The following RFTN2 variants were observed in gnomAD, a reference collection of about 807,000 sequenced individuals.
RFTN2 encodes the protein raftlin family member 2, also known as raftlin-2.
Under a neutral mutation model 52.7 loss-of-function variants are expected in RFTN2, and 34 were observed. The observed-to-expected ratio is 0.64, with a 90% confidence interval of 0.49 to 0.86. RFTN2 has a LOEUF of 0.86. Ranked by LOEUF, RFTN2 falls within the 40% of genes least tolerant of loss-of-function variation. The pLI is 0.00. For synonymous variants in RFTN2, 203 were observed against 217.7 expected (o/e 0.93, Z 0.59); for missense variants, 536 against 600.1 (o/e 0.89, Z 1.12).
chr2:197,582,632 T>C (rs181359499), intron 8 of RFTN2, among the ~76,000 whole-genome samples: 3 of 152,208 alleles, frequency 2.0e-5, no homozygotes, highest in African/African-American at 4.8e-5. Context: ...AAAGGGACAA[T>C]GCATCAATAT....
At chr2:197,589,683 T>C (rs566740539) in intron 8 of RFTN2, among the ~76,000 whole-genome samples, 27 of 152,312 alleles carry the variant, frequency 1.8e-4, no homozygotes, top group African/African-American at 6.3e-4. Flanking sequence ...TCCAGTCTTT[T>C]AATTATTTTT....
At chr2:197,608,749 A>G (rs1421597673) in intron 7 of RFTN2, among the ~76,000 whole-genome samples, 1 of 150,358 alleles carries the variant, frequency 6.7e-6, no homozygotes, top group African/African-American at 2.5e-5. Flanking sequence ...CATCATTTAC[A>G]TTAGGTATTT....
chr2:197,628,992 G>T (rs1322588216), intron 5 of RFTN2, among the ~76,000 whole-genome samples: 2 of 152,084 alleles, frequency 1.3e-5, no homozygotes, highest in Non-Finnish European at 2.9e-5. Flanking sequence ...AAGACCAAGT[G>T]GATGGGACCG....
At chr2:197,588,192 C>T (rs1465412257) in intron 8 of RFTN2, among the ~76,000 whole-genome samples, 16 of 152,148 alleles carry the variant, frequency 1.1e-4, no homozygotes, top group South Asian at 2.1e-4. Flanking sequence ...GTTAAAACCT[C>T]GGCATATTTT....
At chr2:197,645,983 G>A (rs1028148954) in intron 2 of RFTN2, among the ~76,000 whole-genome samples, 1 of 152,106 alleles carries the variant, frequency 6.6e-6, no homozygotes, top group African/African-American at 2.4e-5. Flanking sequence ...CTGAGTTGGT[G>A]CCATTGCACT....
At chr2:197,674,357 A>AG in intron 1 of RFTN2, among the ~76,000 whole-genome samples, 1 of 150,100 alleles carries the variant, frequency 6.7e-6, no homozygotes, top group African/African-American at 2.4e-5. Context: ...AAAAAAAAAA[A>AG]AAAAAAGAAA....
At chr2:197,613,288 G>T (rs891802985) in intron 7 of RFTN2, among the ~76,000 whole-genome samples, 6 of 152,152 alleles carry the variant, frequency 3.9e-5, no homozygotes, top group Non-Finnish European at 7.4e-5. Flanking sequence ...GCCCTGTATA[G>T]GTACTTTGCG....
Position 197,633,790 on chromosome 2 carries a change from G to T in RFTN2, c.646C>A (p.His216Asn). ...ATTTGATACTGTCCACTTTCATGAT[G>T]AAGTTCTTCCTCAATTCCGCTTTCA... ...SSESGIEEEL[H>N]HESGQYQMEQ... The change falls in exon 4 of 9, where the codon CAT becomes AAT. Residue 216 changes from histidine (H) to asparagine (N), a missense_variant. Transcript: ENST00000295049. The T allele has an allele frequency of 6.2e-7, 1 of 1,613,760 alleles. No homozygotes were observed. Among genetic ancestry groups the T allele is most frequent in the South Asian group, 1.1e-5 (1 of 91,074 alleles).
intron 5 of RFTN2, among the ~76,000 whole-genome samples, chr2:197,629,086 C>A (rs2088417056): frequency 6.6e-6 from 1 of 152,178 alleles, no homozygotes; most frequent in Non-Finnish European, 1.5e-5. Flanking sequence ...CCAGCCATCC[C>A]ATTACTGCGT....
intron 8 of RFTN2, among the ~76,000 whole-genome samples, chr2:197,590,216 T>C (rs556005076): frequency 7.9e-5 from 12 of 152,278 alleles, no homozygotes; most frequent in Admixed American, 6.5e-4. Flanking sequence ...CTAAAAACTC[T>C]TTGCCTAACT....
intron 7 of RFTN2, among the ~76,000 whole-genome samples, chr2:197,604,213 C>G (rs1224470884): frequency 6.6e-6 from 1 of 152,148 alleles, no homozygotes; most frequent in Non-Finnish European, 1.5e-5. Flanking sequence ...TGAAAAGAAT[C>G]TGGTATTTAT....
chr2:197,625,222 T>A (rs995637329), intron 5 of RFTN2, among the ~76,000 whole-genome samples: 6 of 152,050 alleles, frequency 3.9e-5, no homozygotes, highest in African/African-American at 1.4e-4. Context: ...CCAGGAAGAG[T>A]TATATTCTGC....
chr2:197,572,296 T>A lies in RFTN2; in HGVS notation c.1234-16A>T, dbSNP rs532166435. 1 of 1,612,020 alleles carries A rather than the reference T, an allele frequency of 6.2e-7. No homozygotes were observed. Among genetic ancestry groups the A allele is most frequent in the African/African-American group, 1.3e-5 (1 of 74,882 alleles). On this transcript the variant is annotated splice_polypyrimidine_tract_variant and intron_variant, in intron 8 of 8. Transcript: ENST00000295049. ...TGGCTTTCTTCTGAAACACAAGACATTGGTGACCAGGAGAGTTAAAAAGAT... is the reference window on the plus strand; with the variant it reads ...TGGCTTTCTTCTGAAACACAAGACAATGGTGACCAGGAGAGTTAAAAAGAT...
At chr2:197,595,348 A>T (rs980046231) in intron 8 of RFTN2, among the ~76,000 whole-genome samples, 2 of 152,232 alleles carry the variant, frequency 1.3e-5, no homozygotes, top group Non-Finnish European at 1.5e-5. Flanking sequence ...TAAACTGACA[A>T]AAGACATATT....
chr2:197,586,135 G>A (rs548100869), intron 8 of RFTN2, among the ~76,000 whole-genome samples: 3 of 152,282 alleles, frequency 2.0e-5, no homozygotes, highest in East Asian at 1.9e-4. Context: ...TATTGCTTAC[G>A]AAGGCACTTA....
chr2:197,664,050 C>T (rs1310924374), intron 1 of RFTN2, among the ~76,000 whole-genome samples: 2 of 151,968 alleles, frequency 1.3e-5, no homozygotes, highest in Admixed American at 1.3e-4. Context: ...CTTCATTAAC[C>T]CAATAGTCAT....
chr2:197,584,186 C>G (rs1233578587), intron 8 of RFTN2, among the ~76,000 whole-genome samples: 1 of 152,132 alleles, frequency 6.6e-6, no homozygotes, highest in Non-Finnish European at 1.5e-5. Flanking sequence ...GTTCTGGATC[C>G]CTGAGGAATC....
intron 6 of RFTN2, among the ~76,000 whole-genome samples, chr2:197,617,343 C>A (rs934055353): frequency 1.4e-4 from 22 of 152,252 alleles, no homozygotes; most frequent in African/African-American, 5.3e-4. Context: ...CTGGATAAAG[C>A]AAATTACCTT....
chr2:197,628,362 C>T lies in RFTN2; in HGVS notation c.928+2649G>A, dbSNP rs373763430. ...ACCCCCGTCTCCGTGACCCCCTCCA[C>T]CCCATGAGCTGCTGAGAGAGGGAGT... On this transcript the variant is annotated intron_variant, in intron 5 of 8. Transcript: ENST00000295049. Among the ~76,000 whole-genome samples the T allele has an allele frequency of 4.2e-3, 647 of 152,274 alleles. 3 individuals are homozygous for T. The highest frequency in any genetic ancestry group is 0.015 in the African/African-American group (620 of 41,534).
Sources: allele counts gnomAD v4.1 joint callset (sites outside exome capture counted in the v4.1 genomes callset), GRCh38; gene constraint gnomAD v4.1.1; transcripts MANE v1.5; gene names NCBI Gene and HGNC (gene_info 2026-07-23, HGNC 2026-07-21).